The following KIAA0825 variants were observed in gnomAD, a reference collection of about 807,000 sequenced individuals.
KIAA0825 encodes uncharacterized protein KIAA0825.
A neutral mutation model predicts 147.6 loss-of-function variants in KIAA0825; 119 were observed. The observed-to-expected ratio is 0.81, with a 90% CI of 0.69 to 0.94. The LOEUF (loss-of-function observed/expected upper bound fraction) is 0.94, where lower values mean the gene tolerates loss of function less well. Among genes scored for constraint, KIAA0825 ranks in the 40% least tolerant of loss-of-function variants. The probability of loss-of-function intolerance (pLI) is 0.00; values close to 1 mark genes in which losing one functional copy is unlikely to be tolerated. For missense variants in KIAA0825, 1,381 were observed against 1,472.7 expected (o/e 0.94, Z 1.02); for synonymous variants, 470 against 518.1 (o/e 0.91, Z 1.26).
intron 20 of KIAA0825, among the ~76,000 whole-genome samples, chr5:94,285,599 T>C (rs1018215517): frequency 2.0e-5 from 3 of 152,192 alleles, no homozygotes; most frequent in Non-Finnish European, 4.4e-5. Context: ...AATATGGTTT[T>C]AGGTTGTCAG....
At chr5:94,507,460 C>A (rs1481415693) in intron 5 of KIAA0825, among the ~76,000 whole-genome samples, 1 of 151,232 alleles carries the variant, frequency 6.6e-6, no homozygotes, top group Non-Finnish European at 1.5e-5. Flanking sequence ...CCCCCGCCCC[C>A]CCCAAAAAAA....
intron 1 of KIAA0825, among the ~76,000 whole-genome samples, chr5:94,583,861 C>A (rs1034214236): frequency 2.0e-5 from 3 of 152,102 alleles, no homozygotes; most frequent in African/African-American, 7.2e-5. Flanking sequence ...TCCTGTTCTG[C>A]AGCTTCCACT....
At chr5:94,447,151 G>A (rs141439314) in intron 13 of KIAA0825, among the ~76,000 whole-genome samples, 1 of 152,166 alleles carries the variant, frequency 6.6e-6, no homozygotes, top group East Asian at 1.9e-4. Context: ...ATGTCTTTAT[G>A]ATTTCCAGGT....
Position 94,361,241 on chromosome 5 carries a change from AT to A in KIAA0825, c.3710+23126del, listed in dbSNP as rs532684543. ...TTTAAAAATAATAAAGTGTACCTAA[AT>A]GTTATAATGATAAAGAGAGTCACTG... On this transcript the variant is annotated intron_variant, in intron 20 of 20. Coordinates refer to ENST00000682413, the MANE Select transcript of KIAA0825 (RefSeq NM_001145678.3). Among the ~76,000 whole-genome samples, 242 of 152,306 alleles carry A rather than the reference AT, an allele frequency of 1.6e-3. 2 individuals carry two copies. The East Asian group carries it at 0.044, about 27-fold the overall frequency.
rs192505517 is a variant in KIAA0825, at chr5:94,474,891, C to T, written c.1228-1372G>A. Among the ~76,000 whole-genome samples the T allele has an allele frequency of 2.7e-3, 411 of 152,240 alleles. 4 individuals are homozygous for T. The highest frequency in any genetic ancestry group is 8.8e-3 in the African/African-American group (367 of 41,554). ...CCACTTGAGGTCAGGAGATGGAGAC[C>T]ATCCTGGCTAACACGGTGAAACCCG... On this transcript the variant is annotated intron_variant, in intron 7 of 20. Coordinates refer to ENST00000682413, the MANE Select transcript of KIAA0825 (RefSeq NM_001145678.3).
chr5:94,185,569 G>T (rs1354841337), intron 20 of KIAA0825, among the ~76,000 whole-genome samples: 2 of 152,070 alleles, frequency 1.3e-5, no homozygotes, highest in Admixed American at 1.3e-4. Context: ...GACCCTGGAA[G>T]AATTACCCCT....
At chr5:94,502,332 A>G (rs548875177) in intron 5 of KIAA0825, among the ~76,000 whole-genome samples, 1 of 152,324 alleles carries the variant, frequency 6.6e-6, no homozygotes, top group South Asian at 2.1e-4. Context: ...ACTTAGTGAT[A>G]TACAAATAAA....
At chr5:94,565,660 C>A (rs1424001811) in intron 2 of KIAA0825, among the ~76,000 whole-genome samples, 1 of 152,040 alleles carries the variant, frequency 6.6e-6, no homozygotes, top group Non-Finnish European at 1.5e-5. Flanking sequence ...TTAACTCTGA[C>A]TGGGAATAAA....
intron 17 of KIAA0825, among the ~76,000 whole-genome samples, chr5:94,395,727 A>C (rs1305638836): frequency 6.6e-6 from 1 of 152,128 alleles, no homozygotes; most frequent in Non-Finnish European, 1.5e-5. Context: ...ATTCCTTCTT[A>C]ATTTAATCTC....
intron 20 of KIAA0825, among the ~76,000 whole-genome samples, chr5:94,360,210 C>A (rs565338497): frequency 2.0e-5 from 3 of 152,256 alleles, no homozygotes; most frequent in African/African-American, 7.2e-5. Context: ...ACCAAACTTA[C>A]TATCATAACC....
chr5:94,169,922 G>C (rs1364220063), intron 20 of KIAA0825, among the ~76,000 whole-genome samples: 2 of 152,142 alleles, frequency 1.3e-5, no homozygotes, highest in African/African-American at 4.8e-5. Context: ...ATTACCCAAA[G>C]TCCCTGGTCA....
intron 14 of KIAA0825, among the ~76,000 whole-genome samples, chr5:94,430,247 C>A (rs1755486759): frequency 6.6e-6 from 1 of 152,138 alleles, no homozygotes; most frequent in South Asian, 2.1e-4. Flanking sequence ...CAATTTGGCA[C>A]GGCATGTTTA....
chr5:94,499,597 G>C (rs901595146), intron 5 of KIAA0825, among the ~76,000 whole-genome samples: 1 of 139,860 alleles, frequency 7.2e-6, no homozygotes, highest in Admixed American at 7.2e-5. Flanking sequence ...GGGGGGGGGG[G>C]GGACCAAGGG....
At chr5:94,299,182 G>T (rs529754429) in intron 20 of KIAA0825, among the ~76,000 whole-genome samples, 23 of 151,906 alleles carry the variant, frequency 1.5e-4, no homozygotes, top group Admixed American at 4.6e-4. Flanking sequence ...TAGGGATTGG[G>T]CACTGACTGG....
Position 94,403,756 on chromosome 5 carries a change from T to C in KIAA0825, c.2700A>G (p.Arg900=), listed in dbSNP as rs1751689692. ...CATCGGTCAGTGCCAGTCTCAAGCA[T>C]CGGATGACCTCTAGCTCGTACTCCA... ...TCVEYELEVI[R]CLRLALTDAI... is the part of the protein sequence containing the mutation. The change falls in exon 16 of 21, where the codon CGA becomes CGG. Residue 900 remains arginine (R), a synonymous_variant. Transcript: ENST00000682413. 1 of 1,551,440 alleles carries C rather than the reference T, an allele frequency of 6.4e-7. No individual in the cohort carries two copies. Among genetic ancestry groups the C allele is most frequent in the South Asian group, 1.2e-5 (1 of 84,064 alleles).
rs1283389877 is a variant in KIAA0825 at position 94,153,836 on chromosome 5, T to C, written c.*171A>G. On this transcript the variant is annotated 3_prime_UTR_variant, in exon 21 of 21. Transcript: ENST00000682413. ...TGAAATTATTTTTAAAATAAAAAAA[T>C]ATGTAGCACCTTATCCTTTATGTGC... 4.6e-6 allele frequency: 2 copies of C among 437,824 alleles called. No individual in the cohort carries two copies. The highest frequency in any genetic ancestry group is 7.7e-5 in the South Asian group (1 of 13,044). The allele number at this position is 437,824 out of a possible 1,614,324, so 27.1% of individuals were successfully genotyped here. A position where few individuals can be genotyped will look rare whatever the true frequency, so the allele number is the denominator to read the frequency against.
At chr5:94,541,435 A>G (rs1225894253) in intron 2 of KIAA0825, among the ~76,000 whole-genome samples, 2 of 152,350 alleles carry the variant, frequency 1.3e-5, no homozygotes, top group African/African-American at 4.8e-5. Flanking sequence ...AAGTCATGGG[A>G]ATGTGGATTT....
At chr5:94,223,989 A>T (rs1377936899) in intron 20 of KIAA0825, among the ~76,000 whole-genome samples, 3 of 151,860 alleles carry the variant, frequency 2.0e-5, no homozygotes, top group African/African-American at 7.3e-5. Flanking sequence ...ATTTTCTGCT[A>T]ATTAGAGTAA....
At chr5:94,529,360 A>ATCATATGTATATC (rs1770234828) in intron 3 of KIAA0825, among the ~76,000 whole-genome samples, 1 of 144,564 alleles carries the variant, frequency 6.9e-6, no homozygotes, top group African/African-American at 2.6e-5. Flanking sequence ...ATATGTATAT[A>ATCATATGTATATC]TCATATATGT....
Sources: gnomAD v4.1 joint callset for allele counts (sites outside exome capture counted in the v4.1 genomes callset) on GRCh38, gnomAD v4.1.1 for gene constraint, MANE v1.5 for transcripts, NCBI Gene and HGNC (gene_info 2026-07-23, HGNC 2026-07-21) for gene names.